Variants in ADAMTS14 observed in about 807,000 individuals in gnomAD.
ADAMTS14 encodes A disintegrin and metalloproteinase with thrombospondin motifs 14.
Under a neutral mutation model 128.6 loss-of-function variants are expected in ADAMTS14, and 100 were observed. That is an observed-to-expected ratio of 0.78 (90% CI 0.66 to 0.92). ADAMTS14 has a LOEUF of 0.92. ADAMTS14 is among the 40% of genes least tolerant of loss of function. The probability of loss-of-function intolerance (pLI) is 0.00; values close to 1 mark genes in which losing one functional copy is unlikely to be tolerated. For missense variants in ADAMTS14, 1,562 were observed against 1,658.6 expected (o/e 0.94, Z 1.01); for synonymous variants, 665 against 653.8 (o/e 1.02, Z -0.26).
chr10:70,704,995 C>A (rs556718919), intron 3 of ADAMTS14, among the ~76,000 whole-genome samples: 2 of 151,700 alleles, frequency 1.3e-5, no homozygotes, highest in East Asian at 1.9e-4. Flanking sequence ...CACTGACACC[C>A]CCTACATACT....
At chr10:70,709,662 G>A (rs1364603497) in intron 4 of ADAMTS14, among the ~76,000 whole-genome samples, 8 of 151,828 alleles carry the variant, frequency 5.3e-5, no homozygotes, top group Non-Finnish European at 1.0e-4. Flanking sequence ...CACCATGCCC[G>A]GCTAATTTTT....
chr10:70,708,826 G>GGGGGCCC, intron 4 of ADAMTS14, 48 bp downstream of exon 4: 1 of 396,620 alleles, frequency 2.5e-6, no homozygotes, highest in Non-Finnish European at 4.8e-6. Flanking sequence ...GGTGGGGTGG[G>GGGGGCCC]CCCCACCCCA....
intron 4 of ADAMTS14, among the ~76,000 whole-genome samples, chr10:70,712,213 G>T (rs990456685): frequency 3.3e-5 from 5 of 152,072 alleles, no homozygotes; most frequent in Non-Finnish European, 5.9e-5. Flanking sequence ...AGCCAGGTTT[G>T]GCCCCTGGAG....
intron 4 of ADAMTS14, among the ~76,000 whole-genome samples, chr10:70,711,387 G>A (rs1367235399): frequency 6.6e-6 from 1 of 152,208 alleles, no homozygotes; most frequent in Non-Finnish European, 1.5e-5. Context: ...ATCACTACAC[G>A]TTAGAGAGGG....
intron 4 of ADAMTS14, 32 bp downstream of exon 4, chr10:70,708,810 G>C: frequency 1.0e-5 from 13 of 1,241,616 alleles, no homozygotes; most frequent in South Asian, 1.4e-5. Context: ...GACTTGGGGG[G>C]AGTGGGGTGG....
At position 70,704,482 on chromosome 10, in the gene ADAMTS14, C is replaced by T. The variant is rs553145311; in HGVS notation, c.679+2014C>T. ...CACATACCACCCATACACTCATGCT[C>T]ACACACTGACACAAACACACGCTCA... On this transcript the variant is annotated intron_variant, in intron 3 of 21. Coordinates refer to ENST00000373207, the MANE Select transcript of ADAMTS14 (RefSeq NM_080722.4). Among the ~76,000 whole-genome samples the T allele has an allele frequency of 7.2e-5, 11 of 151,776 alleles. No individual in the cohort carries two copies. The East Asian group carries it at 1.8e-3, about 24-fold the overall frequency.
intron 4 of ADAMTS14, among the ~76,000 whole-genome samples, chr10:70,721,850 C>T (rs887340125): frequency 6.6e-6 from 1 of 152,226 alleles, no homozygotes; most frequent in Admixed American, 6.5e-5. Context: ...CCCTGCCTGC[C>T]ATCGAGAGCA....
At chr10:70,694,298 G>C (rs1442740736) in intron 2 of ADAMTS14, among the ~76,000 whole-genome samples, 6 of 152,210 alleles carry the variant, frequency 3.9e-5, no homozygotes, top group Non-Finnish European at 8.8e-5. Flanking sequence ...CTCCGTGCTT[G>C]TGTATTATCT....
intron 2 of ADAMTS14, among the ~76,000 whole-genome samples, chr10:70,693,274 G>A (rs1275029591): frequency 6.6e-6 from 1 of 152,118 alleles, no homozygotes; most frequent in Non-Finnish European, 1.5e-5. Context: ...GATTTGGAGG[G>A]GATAAACATC....
rs10823615 is a variant in ADAMTS14 at position 70,760,574 on chromosome 10, A to G, written c.3393A>G (p.Ala1131=). Residue 1131 remains alanine, a synonymous_variant, in exon 22 of 22, where the codon GCA becomes GCG. Coordinates refer to ENST00000373207, the MANE Select transcript of ADAMTS14 (RefSeq NM_080722.4). ...GACCCCAGGACCCTGCAGATGCTGCAGAGCCTCCTGGAAAGCCAACGGGAT... is the reference window on the plus strand; with the variant it reads ...GACCCCAGGACCCTGCAGATGCTGCGGAGCCTCCTGGAAAGCCAACGGGAT... ...LPGPQDPADA[A]EPPGKPTGSE... The G allele has an allele frequency of 0.35, 571,497 of 1,613,430 alleles. 103,313 individuals are homozygous for G. Among genetic ancestry groups the G allele is most frequent in the South Asian group, 0.48 (43,703 of 91,006 alleles).
chr10:70,678,285 G>A (rs950643353), intron 2 of ADAMTS14, among the ~76,000 whole-genome samples: 1 of 152,346 alleles, frequency 6.6e-6, no homozygotes, highest in East Asian at 1.9e-4. Context: ...GCTTTGCAGA[G>A]AGTCAGGTCC....
At chr10:70,702,093 G>A (rs1265353416) in intron 2 of ADAMTS14, among the ~76,000 whole-genome samples, 1 of 152,146 alleles carries the variant, frequency 6.6e-6, no homozygotes, top group Non-Finnish European at 1.5e-5. Context: ...TGAAAGGAGG[G>A]TGGGCCCCTT....
At chr10:70,729,879 G>A (rs1320722731) in intron 5 of ADAMTS14, among the ~76,000 whole-genome samples, 6 of 152,194 alleles carry the variant, frequency 3.9e-5, no homozygotes, top group African/African-American at 1.2e-4. Context: ...TGAAGTTCCC[G>A]GCAGAAACGC....
chr10:70,684,497 G>C (rs1428701350), intron 2 of ADAMTS14, among the ~76,000 whole-genome samples: 1 of 152,212 alleles, frequency 6.6e-6, no homozygotes, highest in Non-Finnish European at 1.5e-5. Flanking sequence ...GAAACAAGAG[G>C]ACAAGTTGCA....
At chr10:70,758,544 A>G (rs1205741251) in intron 21 of ADAMTS14, among the ~76,000 whole-genome samples, 1 of 152,208 alleles carries the variant, frequency 6.6e-6, no homozygotes, top group East Asian at 1.9e-4. Flanking sequence ...AACTAATGAG[A>G]TCATTTATTC....
chr10:70,685,535 C>T (rs1487093955), intron 2 of ADAMTS14, among the ~76,000 whole-genome samples: 1 of 152,088 alleles, frequency 6.6e-6, no homozygotes, highest in African/African-American at 2.4e-5. Flanking sequence ...CCTCTAGCTC[C>T]CTCTTCATTT....
intron 4 of ADAMTS14, among the ~76,000 whole-genome samples, chr10:70,713,699 G>A (rs1840931313): frequency 6.6e-6 from 1 of 151,134 alleles, no homozygotes; most frequent in Non-Finnish European, 1.5e-5. Context: ...GCTGTGACTA[G>A]AAGGTTGGTT....
At chr10:70,686,869 GGC>G (rs1357900411) in intron 2 of ADAMTS14, among the ~76,000 whole-genome samples, 3 of 82,690 alleles carry the variant, frequency 3.6e-5, no homozygotes, top group Non-Finnish European at 7.9e-5. Context: ...CGGCTGGCTG[GGC>G]GGGGGGGGCT....
chr10:70,725,521 G>A lies in ADAMTS14; in HGVS notation c.871-3773G>A, dbSNP rs560919990. ...CCAGCAGATTTGGTGACTGGTGAGA[G>A]CCCGCCCACTTTCTGGTTCATAGAT... is the stretch of plus-strand genomic sequence containing the variant. On this transcript the variant is annotated intron_variant, in intron 4 of 21. Transcript: ENST00000373207. 1.6e-3 allele frequency among the ~76,000 whole-genome samples: 243 copies of A among 152,306 alleles called. 1 individual carries two copies. The highest frequency in any genetic ancestry group is 3.4e-3 in the Middle Eastern group (1 of 294).
Sources: gnomAD v4.1 joint callset for allele counts (sites outside exome capture counted in the v4.1 genomes callset) on GRCh38, gnomAD v4.1.1 for gene constraint, MANE v1.5 for transcripts, NCBI Gene and HGNC (gene_info 2026-07-23, HGNC 2026-07-21) for gene names.